Variants in CTNND2 observed in about 807,000 individuals in gnomAD.
The protein encoded by CTNND2 is catenin delta 2, also known as catenin delta-2.
CTNND2 carries 22 observed loss-of-function variants against 144.4 expected under a neutral mutation model. The ratio of observed to expected loss-of-function variants is 0.15; its 90% CI spans 0.11 to 0.22. CTNND2 has a LOEUF of 0.22. Ranked by LOEUF, CTNND2 falls within the 10% of genes least tolerant of loss-of-function variation. CTNND2 has a pLI of 1.00. For missense variants in CTNND2, 1,353 were observed against 1,618.8 expected (o/e 0.84, Z 2.82); for synonymous variants, 751 against 695.6 (o/e 1.08, Z -1.25).
At chr5:11,578,521 C>T (rs1233798186) in intron 2 of CTNND2, among the ~76,000 whole-genome samples, 3 of 151,960 alleles carry the variant, frequency 2.0e-5, no homozygotes, top group Non-Finnish European at 4.4e-5. Flanking sequence ...ATTAGCCAGG[C>T]ACGGTGGCAC....
chr5:11,836,039 T>C (rs1794158379), intron 1 of CTNND2, among the ~76,000 whole-genome samples: 1 of 152,204 alleles, frequency 6.6e-6, no homozygotes, highest in Non-Finnish European at 1.5e-5. Flanking sequence ...CACTTGAATG[T>C]ACTTTTTAAA....
intron 1 of CTNND2, among the ~76,000 whole-genome samples, chr5:11,877,198 T>C (rs1310657268): frequency 6.6e-6 from 1 of 152,184 alleles, no homozygotes; most frequent in East Asian, 1.9e-4. Flanking sequence ...GTATCGTTTT[T>C]AAATGTGAAA....
chr5:11,784,872 T>G (rs1212429014), intron 1 of CTNND2, among the ~76,000 whole-genome samples: 1 of 152,206 alleles, frequency 6.6e-6, no homozygotes, highest in African/African-American at 2.4e-5. Flanking sequence ...AATGACACCT[T>G]AAGCAGAGGA....
At chr5:11,237,155 G>C (rs1175725830) in intron 9 of CTNND2, among the ~76,000 whole-genome samples, 1 of 151,922 alleles carries the variant, frequency 6.6e-6, no homozygotes, top group African/African-American at 2.4e-5. Context: ...AAGTAGCTGG[G>C]ACTACAGGCA....
At chr5:11,699,527 C>A (rs902802284) in intron 2 of CTNND2, among the ~76,000 whole-genome samples, 1 of 152,026 alleles carries the variant, frequency 6.6e-6, no homozygotes, top group African/African-American at 2.4e-5. Context: ...GTGGGCCAGA[C>A]CTTCTCAAAT....
At chr5:11,631,360 T>C (rs942221352) in intron 2 of CTNND2, among the ~76,000 whole-genome samples, 3 of 152,232 alleles carry the variant, frequency 2.0e-5, no homozygotes, top group Non-Finnish European at 4.4e-5. Context: ...CTATGTCTTA[T>C]CGTGAAGACT....
rs150968617 is a variant in CTNND2, at chr5:11,639,640, T to C, written c.175-74584A>G. On this transcript the variant is annotated intron_variant, in intron 2 of 21. Transcript: ENST00000304623. Reference sequence around the variant, plus strand: ...TTCTGGTTAGGGAAAACAAACATACTAGAACCTCTAAGAGGCTAATGCATC... The same window carrying C: ...TTCTGGTTAGGGAAAACAAACATACCAGAACCTCTAAGAGGCTAATGCATC... Among the ~76,000 whole-genome samples, 8 of 152,300 alleles carry C rather than the reference T, an allele frequency of 5.3e-5. No homozygotes were observed. The East Asian group carries it at 1.5e-3, about 29-fold the overall frequency.
At chr5:11,731,567 C>T (rs759005857) in intron 2 of CTNND2, among the ~76,000 whole-genome samples, 73 of 152,220 alleles carry the variant, frequency 4.8e-4, no homozygotes, top group African/African-American at 7.9e-4. Context: ...TATAAAGTGA[C>T]GTTTTAAATC....
At chr5:11,436,799 C>T (rs1440563715) in intron 3 of CTNND2, among the ~76,000 whole-genome samples, 1 of 152,180 alleles carries the variant, frequency 6.6e-6, no homozygotes, top group Non-Finnish European at 1.5e-5. Context: ...TAATATTTCC[C>T]TTTTGAATTG....
chr5:11,224,958 T>C (rs1372275023), intron 10 of CTNND2, among the ~76,000 whole-genome samples: 1 of 152,180 alleles, frequency 6.6e-6, no homozygotes, highest in Non-Finnish European at 1.5e-5. Context: ...GCAGCCCTTT[T>C]TGGCTTCTTT....
chr5:11,512,096 C>G (rs1771701394), intron 3 of CTNND2, among the ~76,000 whole-genome samples: 1 of 152,176 alleles, frequency 6.6e-6, no homozygotes, highest in Admixed American at 6.5e-5. Context: ...CATTCCCCAA[C>G]CAATATAGCT....
intron 9 of CTNND2, among the ~76,000 whole-genome samples, chr5:11,262,694 A>G (rs549503910): frequency 1.3e-4 from 18 of 139,528 alleles, no homozygotes; most frequent in Admixed American, 3.1e-4. Context: ...CCCAGGAGGC[A>G]GAGGTTGCAG....
chr5:11,495,379 A>G (rs961218327), intron 3 of CTNND2, among the ~76,000 whole-genome samples: 3 of 149,584 alleles, frequency 2.0e-5, no homozygotes, highest in Admixed American at 6.7e-5. Context: ...ATCCCCTTTA[A>G]AATAATTATT....
chr5:11,260,957 G>C (rs1744798237), intron 9 of CTNND2, among the ~76,000 whole-genome samples: 1 of 152,130 alleles, frequency 6.6e-6, no homozygotes, highest in Non-Finnish European at 1.5e-5. Flanking sequence ...ACGGGCCTGA[G>C]AGCAGGACTC....
chr5:11,021,206 T>C (rs1189418762), intron 17 of CTNND2, among the ~76,000 whole-genome samples: 1 of 152,194 alleles, frequency 6.6e-6, no homozygotes, highest in Non-Finnish European at 1.5e-5. Flanking sequence ...GCAGTAGGAA[T>C]GCTCATAAAG....
intron 9 of CTNND2, among the ~76,000 whole-genome samples, chr5:11,335,025 TTC>T (rs1429699323): frequency 1.3e-5 from 2 of 152,204 alleles, no homozygotes; most frequent in Admixed American, 1.3e-4. Flanking sequence ...TGGTATCTTC[TTC>T]TCTTTCTTAC....
At chr5:11,000,323 C>T (rs1002776171) in intron 18 of CTNND2, among the ~76,000 whole-genome samples, 1 of 152,152 alleles carries the variant, frequency 6.6e-6, no homozygotes, top group Non-Finnish European at 1.5e-5. Context: ...GAGTTTGAGA[C>T]CAGCCTGACC....
intron 12 of CTNND2, among the ~76,000 whole-genome samples, chr5:11,118,383 G>A (rs1471638066): frequency 2.6e-5 from 4 of 152,354 alleles, no homozygotes; most frequent in Non-Finnish European, 5.9e-5. Context: ...GGAGGCTGCA[G>A]GAGATGACTT....
intron 15 of CTNND2, among the ~76,000 whole-genome samples, chr5:11,087,599 A>G (rs10513070): frequency 3.3e-5 from 5 of 151,926 alleles, no homozygotes; most frequent in Admixed American, 3.3e-4. Flanking sequence ...GATTTACATA[A>G]CTTTGTTTTC....
Sources: gnomAD v4.1 joint callset for allele counts (sites outside exome capture counted in the v4.1 genomes callset) on GRCh38, gnomAD v4.1.1 for gene constraint, MANE v1.5 for transcripts, NCBI Gene and HGNC (gene_info 2026-07-23, HGNC 2026-07-21) for gene names.